MBOAT1: variants seen among roughly 807,000 people sequenced by gnomAD.
MBOAT1 encodes the protein membrane bound glycerophospholipid O-acyltransferase 1.
A neutral mutation model predicts 64.4 loss-of-function variants in MBOAT1; 67 were observed. That is an observed-to-expected ratio of 1.04 (90% CI 0.85 to 1.27). The LOEUF (loss-of-function observed/expected upper bound fraction) is 1.27. MBOAT1 is among the 50% of genes most tolerant of loss of function. MBOAT1 has a pLI of 0.00. For synonymous variants in MBOAT1, 229 were observed against 218.9 expected (o/e 1.05, Z -0.41); for missense variants, 563 against 604.6 (o/e 0.93, Z 0.72).
At chr6:20,114,777 G>A (rs1489364682) in intron 10 of MBOAT1, among the ~76,000 whole-genome samples, 3 of 151,900 alleles carry the variant, frequency 2.0e-5, no homozygotes, top group Admixed American at 6.6e-5. Flanking sequence ...CCAGCTACTC[G>A]GGAGGCTGAG....
At position 20,149,244 on chromosome 6, in the gene MBOAT1, G is replaced by T. The variant is rs570486548; in HGVS notation, c.323+1941C>A. ...CCCTGTCTGTAAACCACATGGCTCTGCCAAGGCCAGAGTATTCCATTCCTA... is the reference window on the plus strand; with the variant it reads ...CCCTGTCTGTAAACCACATGGCTCTTCCAAGGCCAGAGTATTCCATTCCTA... On this transcript the variant is annotated intron_variant, in intron 3 of 12. Coordinates refer to ENST00000324607, the MANE Select transcript of MBOAT1 (RefSeq NM_001080480.3). Among the ~76,000 whole-genome samples the T allele has an allele frequency of 1.1e-4, 16 of 152,122 alleles. No homozygotes were observed. In the South Asian group the frequency reaches 2.7e-3, roughly 26 times the overall value.
At chr6:20,157,485 T>G (rs952481935) in intron 1 of MBOAT1, among the ~76,000 whole-genome samples, 1 of 152,150 alleles carries the variant, frequency 6.6e-6, no homozygotes, top group Non-Finnish European at 1.5e-5. Context: ...TCTAGGCAAA[T>G]TTTTTTGTAA....
At chr6:20,132,249 G>A (rs1249044996) in intron 4 of MBOAT1, among the ~76,000 whole-genome samples, 1 of 152,150 alleles carries the variant, frequency 6.6e-6, no homozygotes, top group African/African-American at 2.4e-5. Context: ...GCTGGTTTGG[G>A]AGATACACAA....
At chr6:20,170,294 T>G (rs1762153287) in intron 1 of MBOAT1, among the ~76,000 whole-genome samples, 1 of 152,196 alleles carries the variant, frequency 6.6e-6, no homozygotes, top group South Asian at 2.1e-4. Context: ...CAGTGAACCC[T>G]AAGCATATAG....
Position 20,101,605 on chromosome 6 carries a change from C to T in MBOAT1, c.*681G>A, listed in dbSNP as rs997333995. Among the ~76,000 whole-genome samples the T allele has an allele frequency of 6.6e-6, 1 of 152,138 alleles. No individual in the cohort carries two copies. Among genetic ancestry groups the T allele is most frequent in the Non-Finnish European group, 1.5e-5 (1 of 68,032 alleles). ...ACCTGTGACAAGTCTTCTCAGCACT[C>T]GCCTTCTAATTTTTGGAGCCGATGC... On this transcript the variant is annotated 3_prime_UTR_variant, in exon 13 of 13. Coordinates refer to ENST00000324607, the MANE Select transcript of MBOAT1 (RefSeq NM_001080480.3).
intron 12 of MBOAT1, among the ~76,000 whole-genome samples, chr6:20,108,432 T>C (rs945256462): frequency 6.6e-6 from 1 of 152,226 alleles, no homozygotes; most frequent in African/African-American, 2.4e-5. Context: ...ACCTAACTCC[T>C]AGTATAAAAG....
intron 3 of MBOAT1, among the ~76,000 whole-genome samples, chr6:20,148,747 A>C (rs1761401760): frequency 6.6e-6 from 1 of 152,184 alleles, no homozygotes; most frequent in Non-Finnish European, 1.5e-5. Context: ...CATTGAGTTC[A>C]TCCAAGGGGA....
At chr6:20,160,362 A>G (rs1447393141) in intron 1 of MBOAT1, among the ~76,000 whole-genome samples, 3 of 152,224 alleles carry the variant, frequency 2.0e-5, no homozygotes, top group African/African-American at 7.2e-5. Context: ...TTAACGGTCC[A>G]AAAGTATTTC....
chr6:20,190,410 G>C (rs2113755107), intron 1 of MBOAT1, among the ~76,000 whole-genome samples: 1 of 152,260 alleles, frequency 6.6e-6, no homozygotes, highest in Middle Eastern at 3.4e-3. Flanking sequence ...GAGAGTCACG[G>C]CCAACATAAC....
chr6:20,120,819 C>T (rs1262263349), intron 8 of MBOAT1, among the ~76,000 whole-genome samples: 2 of 152,172 alleles, frequency 1.3e-5, no homozygotes, highest in African/African-American at 4.8e-5. Context: ...CACACTGAGC[C>T]GATATCGGAA....
intron 10 of MBOAT1, among the ~76,000 whole-genome samples, chr6:20,114,673 A>G (rs1350910822): frequency 6.6e-6 from 1 of 152,128 alleles, no homozygotes; most frequent in Non-Finnish European, 1.5e-5. Context: ...ACCTGAGGTC[A>G]GGAGTTCGAG....
At chr6:20,152,499 A>T in intron 2 of MBOAT1, 125 bp downstream of exon 2, 2 of 976,922 alleles carry the variant, frequency 2.0e-6, no homozygotes, top group Non-Finnish European at 1.5e-6. Flanking sequence ...TAAGGTATTT[A>T]CAATATAAAA....
At chr6:20,136,145 T>C (rs1760984815) in intron 4 of MBOAT1, among the ~76,000 whole-genome samples, 1 of 152,126 alleles carries the variant, frequency 6.6e-6, no homozygotes, top group South Asian at 2.1e-4. Flanking sequence ...ACTCCAGAAG[T>C]TGCAGCAAAG....
intron 3 of MBOAT1, among the ~76,000 whole-genome samples, chr6:20,146,802 C>T (rs1012562689): frequency 7.9e-5 from 12 of 152,168 alleles, no homozygotes; most frequent in African/African-American, 2.7e-4. Flanking sequence ...AGTCCCAATA[C>T]AACAGGGCAA....
At chr6:20,123,098 A>G (rs962459349) in intron 8 of MBOAT1, among the ~76,000 whole-genome samples, 13 of 152,024 alleles carry the variant, frequency 8.6e-5, no homozygotes, top group Admixed American at 4.6e-4. Flanking sequence ...CCAAAGTGCT[A>G]GGATTATAGT....
rs141021729 is a variant in MBOAT1 at position 20,116,989 on chromosome 6, T to G, written c.1011+1448A>C. Among the ~76,000 whole-genome samples the G allele has an allele frequency of 4.0e-4, 61 of 152,312 alleles. 1 individual carries two copies. The East Asian group carries it at 6.4e-3, about 16-fold the overall frequency. On this transcript the variant is annotated intron_variant, in intron 9 of 12. Coordinates refer to ENST00000324607, the MANE Select transcript of MBOAT1 (RefSeq NM_001080480.3). The stretch of plus-strand genomic sequence containing the variant: ...AGTCATAACACACTTGAACTCTCTC[T>G]GACGTCATCTATATAAAAAAGAGAA...
At chr6:20,109,402 C>T (rs1760054578) in intron 12 of MBOAT1, among the ~76,000 whole-genome samples, 196 bp downstream of exon 12, 1 of 152,150 alleles carries the variant, frequency 6.6e-6, no homozygotes, top group African/African-American at 2.4e-5. Flanking sequence ...GTCAACAGTG[C>T]TTGTATGTAT....
Position 20,140,676 on chromosome 6 carries a change from G to A in MBOAT1, c.419+3544C>T, listed in dbSNP as rs989449412. On this transcript the variant is annotated intron_variant, in intron 4 of 12. Coordinates refer to ENST00000324607, the MANE Select transcript of MBOAT1 (RefSeq NM_001080480.3). ...GTTCTCAGGCCTTCAGCCTCAGACT[G>A]AATCATACCACCAGCTTTTCTGGAT... is the stretch of plus-strand genomic sequence containing the variant. 3.3e-5 allele frequency among the ~76,000 whole-genome samples: 5 copies of A among 152,172 alleles called. No individual in the cohort carries two copies. In the East Asian group the frequency reaches 9.6e-4, roughly 29 times the overall value.
chr6:20,105,046 A>C (rs1889399), intron 12 of MBOAT1, among the ~76,000 whole-genome samples: 128,944 of 152,218 alleles, frequency 0.85, 55,038 homozygotes, highest in East Asian at 0.97. Flanking sequence ...CATTATTGAG[A>C]GTGGAAAAAG....
Sources: allele counts gnomAD v4.1 joint callset (sites outside exome capture counted in the v4.1 genomes callset), GRCh38; gene constraint gnomAD v4.1.1; transcripts MANE v1.5; gene names NCBI Gene and HGNC (gene_info 2026-07-23, HGNC 2026-07-21).